The following LRRTM4 variants were observed in gnomAD, a reference collection of about 807,000 sequenced individuals.
LRRTM4 encodes leucine rich repeat transmembrane neuronal 4.
LRRTM4 carries 25 observed loss-of-function variants against 47.6 expected under a neutral mutation model. The ratio of observed to expected loss-of-function variants is 0.53; its 90% CI spans 0.38 to 0.73. LRRTM4 has a LOEUF of 0.73. Among genes scored for constraint, LRRTM4 ranks in the 30% least tolerant of loss-of-function variants. The pLI, the probability that LRRTM4 is intolerant of heterozygous loss-of-function variation, is 0.00. For synonymous variants in LRRTM4, 311 were observed against 269.5 expected (o/e 1.15, Z -1.51); for missense variants, 638 against 713.4 (o/e 0.89, Z 1.20).
chr2:77,501,113 T>A (rs1678556257), intron 3 of LRRTM4, among the ~76,000 whole-genome samples: 1 of 150,676 alleles, frequency 6.6e-6, no homozygotes, highest in Non-Finnish European at 1.5e-5. Context: ...CACTTACCAA[T>A]GTAATTATAT....
rs115378683 is a variant in LRRTM4, at chr2:77,356,559, C to T, written c.1551+161759G>A. 4.0e-3 allele frequency among the ~76,000 whole-genome samples: 616 copies of T among 152,180 alleles called. 3 individuals carry two copies. Among genetic ancestry groups the T allele is most frequent in the African/African-American group, 0.014 (584 of 41,518 alleles). On this transcript the variant is annotated intron_variant, in intron 3 of 3. Coordinates refer to ENST00000409884, the MANE Select transcript of LRRTM4 (RefSeq NM_001134745.3). ...CAATTTTGGTGGTTAAAATCGAGTA[C>T]AGGATTCAATTTGTTTAGAGAAATG... is the stretch of plus-strand genomic sequence containing the variant.
chr2:77,202,414 A>G (rs1197103028), intron 3 of LRRTM4, among the ~76,000 whole-genome samples: 1 of 152,158 alleles, frequency 6.6e-6, no homozygotes, highest in East Asian at 1.9e-4. Context: ...TATTAGAAGT[A>G]GCAGCAGCAT....
intron 3 of LRRTM4, among the ~76,000 whole-genome samples, chr2:77,068,621 G>C (rs1376363304): frequency 6.6e-6 from 1 of 152,144 alleles, no homozygotes; most frequent in East Asian, 1.9e-4. Flanking sequence ...CTATGTTATA[G>C]CACATACTAT....
Position 77,090,806 on chromosome 2 carries a change from T to G in LRRTM4, c.1552-341890A>C, listed in dbSNP as rs180820646. On this transcript the variant is annotated intron_variant, in intron 3 of 3. Transcript: ENST00000409884. ...AGCCCCTGGAACTCTGGCCCAAGGC[T>G]CTCTGACTGACTCCTCCTCGGCTTA... Among the ~76,000 whole-genome samples the G allele has an allele frequency of 1.4e-3, 218 of 152,246 alleles. 3 individuals are homozygous for G. In the East Asian group the frequency reaches 0.018, roughly 13 times the overall value.
intron 3 of LRRTM4, among the ~76,000 whole-genome samples, chr2:76,918,241 TA>T (rs888367314): frequency 1.3e-5 from 2 of 152,174 alleles, no homozygotes; most frequent in Non-Finnish European, 2.9e-5. Context: ...CTTCAGTTGC[TA>T]AAAAAGGATT....
chr2:77,490,954 T>C (rs1678130161), intron 3 of LRRTM4, among the ~76,000 whole-genome samples: 1 of 151,296 alleles, frequency 6.6e-6, no homozygotes, highest in Non-Finnish European at 1.5e-5. Context: ...ACAAAATGAT[T>C]CATTTTTTTT....
intron 3 of LRRTM4, among the ~76,000 whole-genome samples, chr2:76,837,464 G>C (rs1671547665): frequency 1.3e-5 from 2 of 151,804 alleles, no homozygotes; most frequent in Non-Finnish European, 1.5e-5. Flanking sequence ...TCTTTTAATT[G>C]TGATGTTAGG....
At chr2:77,010,605 G>A (rs1295469732) in intron 3 of LRRTM4, among the ~76,000 whole-genome samples, 2 of 150,834 alleles carry the variant, frequency 1.3e-5, no homozygotes, top group Admixed American at 1.3e-4. Flanking sequence ...TGGCTATTGT[G>A]AACAATGCTG....
chr2:76,883,638 T>A (rs1199569337), intron 3 of LRRTM4, among the ~76,000 whole-genome samples: 1 of 152,140 alleles, frequency 6.6e-6, no homozygotes, highest in Non-Finnish European at 1.5e-5. Flanking sequence ...CATATGCCAC[T>A]CTTCCCCTGA....
chr2:76,897,821 C>T (rs918374911), intron 3 of LRRTM4, among the ~76,000 whole-genome samples: 3 of 152,122 alleles, frequency 2.0e-5, no homozygotes, highest in African/African-American at 7.2e-5. Context: ...TTTCCTTGAT[C>T]CCCATCTCCA....
chr2:77,317,816 C>G (rs540112937), intron 3 of LRRTM4, among the ~76,000 whole-genome samples: 1 of 151,980 alleles, frequency 6.6e-6, no homozygotes, highest in Non-Finnish European at 1.5e-5. Context: ...CTGAATATTG[C>G]CTATTGATTA....
intron 3 of LRRTM4, among the ~76,000 whole-genome samples, chr2:76,913,535 C>T (rs1396841818): frequency 9.5e-6 from 1 of 105,598 alleles, no homozygotes; most frequent in African/African-American, 4.0e-5. Flanking sequence ...TTTAGAGATC[C>T]TATTTCAATT....
chr2:77,428,500 T>A (rs1171476877), intron 3 of LRRTM4, among the ~76,000 whole-genome samples: 1 of 152,232 alleles, frequency 6.6e-6, no homozygotes, highest in Non-Finnish European at 1.5e-5. Flanking sequence ...CATAATTTTA[T>A]ATTTGAGAAT....
At chr2:76,812,014 T>G (rs1256595125) in intron 3 of LRRTM4, among the ~76,000 whole-genome samples, 1 of 152,226 alleles carries the variant, frequency 6.6e-6, no homozygotes, top group Non-Finnish European at 1.5e-5. Context: ...AAGAATTGTA[T>G]TTCAAACACT....
At chr2:77,360,548 TCATACATACATACATACATACATA>T (rs34364581) in intron 3 of LRRTM4, among the ~76,000 whole-genome samples, 6 of 138,688 alleles carry the variant, frequency 4.3e-5, no homozygotes, top group South Asian at 2.4e-4. Flanking sequence ...ATACAATCAT[TCATACATACATACATACATACATA>T]CATACATACA....
At chr2:77,041,376 A>T (rs796745792) in intron 3 of LRRTM4, among the ~76,000 whole-genome samples, 4 of 151,670 alleles carry the variant, frequency 2.6e-5, no homozygotes, top group African/African-American at 9.6e-5. Flanking sequence ...TGCAATAGAC[A>T]TGGGAGTACA....
At chr2:76,821,414 C>G (rs1385871895) in intron 3 of LRRTM4, among the ~76,000 whole-genome samples, 5 of 151,582 alleles carry the variant, frequency 3.3e-5, no homozygotes, top group African/African-American at 1.2e-4. Flanking sequence ...GGACAGATGT[C>G]TAGTTTATTT....
At chr2:77,387,650 T>G (rs1673336562) in intron 3 of LRRTM4, among the ~76,000 whole-genome samples, 2 of 152,118 alleles carry the variant, frequency 1.3e-5, no homozygotes. Context: ...TCTGCCAGCT[T>G]GTATGAAAGT....
intron 3 of LRRTM4, among the ~76,000 whole-genome samples, chr2:77,319,092 A>G (rs1017413911): frequency 6.6e-5 from 10 of 152,110 alleles, no homozygotes; most frequent in Admixed American, 6.5e-5. Context: ...CTATATTGAT[A>G]GCCAGCCCTG....
Sources: gnomAD v4.1 joint callset for allele counts (sites outside exome capture counted in the v4.1 genomes callset) on GRCh38, gnomAD v4.1.1 for gene constraint, MANE v1.5 for transcripts, NCBI Gene and HGNC (gene_info 2026-07-23, HGNC 2026-07-21) for gene names.